DAB2IP: variants seen among roughly 807,000 people sequenced by gnomAD.
DAB2IP encodes the protein DAB2 interacting protein.
In DAB2IP, 28 loss-of-function variants were observed where a neutral mutation model predicts 107.2. That is an observed-to-expected ratio of 0.26 (90% CI 0.19 to 0.36). The LOEUF is 0.36. DAB2IP is among the 10% of genes least tolerant of loss of function. The pLI is 1.00. For missense variants in DAB2IP, 1,400 were observed against 1,644.7 expected (o/e 0.85, Z 2.57); for synonymous variants, 755 against 706.4 (o/e 1.07, Z -1.09).
At chr9:121,570,238 G>A (rs1235788439) in intron 1 of DAB2IP, among the ~76,000 whole-genome samples, 3 of 148,410 alleles carry the variant, frequency 2.0e-5, no homozygotes, top group Non-Finnish European at 3.0e-5. Context: ...TCAGCCTCCC[G>A]AGTAGCTGGG....
At chr9:121,740,900 C>T (rs984541922) in intron 3 of DAB2IP, among the ~76,000 whole-genome samples, 2 of 152,120 alleles carry the variant, frequency 1.3e-5, no homozygotes, top group Admixed American at 6.5e-5. Context: ...AAGGATTTGT[C>T]CAGGGTTCCA....
At chr9:121,651,313 A>G (rs1832727986), upstream of DAB2IP, among the ~76,000 whole-genome samples, 1 of 152,156 alleles carries the variant, frequency 6.6e-6, no homozygotes, top group African/African-American at 2.4e-5. The surrounding 1 kb of genome is among the most constrained non-coding windows in gnomAD (Gnocchi z 5.1). Context: ...GTCCCCAAGC[A>G]TGCGTCCTAC....
intron 3 of DAB2IP, among the ~76,000 whole-genome samples, chr9:121,754,767 A>G (rs1833360003): frequency 6.6e-6 from 1 of 152,132 alleles, no homozygotes. Flanking sequence ...TTGCAGGACC[A>G]GGGTCTCCTT....
intron 3 of DAB2IP, among the ~76,000 whole-genome samples, chr9:121,721,932 A>G (rs909694113): frequency 6.6e-6 from 1 of 152,316 alleles, no homozygotes; most frequent in African/African-American, 2.4e-5. Context: ...CCGCCCAGTC[A>G]TGGAATCCTT....
chr9:121,728,708 G>A (rs1831364463), intron 3 of DAB2IP, among the ~76,000 whole-genome samples: 1 of 152,154 alleles, frequency 6.6e-6, no homozygotes, highest in African/African-American at 2.4e-5. Flanking sequence ...ATGACTGCAG[G>A]TGGGCTGGGC....
At chr9:121,568,340 G>A (rs2118875509) in intron 1 of DAB2IP, among the ~76,000 whole-genome samples, 1 of 152,236 alleles carries the variant, frequency 6.6e-6, no homozygotes, top group African/African-American at 2.4e-5. Flanking sequence ...CCACAGACCT[G>A]GCATCTTTGG....
Position 121,651,669 on chromosome 9 carries a change from C to A in DAB2IP, c.-107C>A. On this transcript the variant is annotated 5_prime_UTR_variant, in exon 1 of 16. Transcript: ENST00000408936. The surrounding 1 kb of genome is among the most constrained non-coding windows in gnomAD (Gnocchi z 5.1). Reference sequence around the variant, plus strand: ...GGCAGCCAGGGCCTCGGCGGCCGCTCGGGCGAGCGCGGGAGAACGCGTGGG... The same window carrying A: ...GGCAGCCAGGGCCTCGGCGGCCGCTAGGGCGAGCGCGGGAGAACGCGTGGG... 1 of 1,096,996 alleles carries A rather than the reference C, an allele frequency of 9.1e-7. No individual in the cohort carries two copies. Among genetic ancestry groups the A allele is most frequent in the South Asian group, 4.4e-5 (1 of 22,492 alleles). 68.0% of individuals were successfully genotyped at this position (1,096,996 alleles called of 1,614,324 possible).
chr9:121,741,405 A>G (rs1386643283), intron 3 of DAB2IP, among the ~76,000 whole-genome samples: 2 of 152,150 alleles, frequency 1.3e-5, no homozygotes, highest in African/African-American at 4.8e-5. Context: ...CGGAGAGGCA[A>G]AGCCACTTAT....
intron 10 of DAB2IP, among the ~76,000 whole-genome samples, chr9:121,769,847 G>GTGAT (rs1306595231): frequency 1.3e-5 from 2 of 152,216 alleles, no homozygotes; most frequent in East Asian, 1.9e-4. Context: ...TGTCACATCG[G>GTGAT]TGATAGGGTG....
At chr9:121,660,554 G>A (rs1833156420) in intron 1 of DAB2IP, among the ~76,000 whole-genome samples, 1 of 152,130 alleles carries the variant, frequency 6.6e-6, no homozygotes, top group Non-Finnish European at 1.5e-5. Context: ...AGAGGAGCTG[G>A]GAAGTTTGGA....
chr9:121,670,754 C>T (rs555879843), intron 1 of DAB2IP, among the ~76,000 whole-genome samples: 87 of 152,316 alleles, frequency 5.7e-4, no homozygotes, highest in African/African-American at 1.9e-3. Flanking sequence ...CAGTGGGTCA[C>T]GGCTGTGATC....
intron 3 of DAB2IP, among the ~76,000 whole-genome samples, chr9:121,738,961 T>C (rs886918351): frequency 1.3e-5 from 2 of 152,212 alleles, no homozygotes; most frequent in African/African-American, 4.8e-5. Context: ...TTGGGAAACA[T>C]AGTGAAGTTC....
At chr9:121,737,930 G>C (rs941107336) in intron 3 of DAB2IP, among the ~76,000 whole-genome samples, 4 of 152,240 alleles carry the variant, frequency 2.6e-5, no homozygotes, top group African/African-American at 9.6e-5. Context: ...GGGACTGAAT[G>C]GGGGACTCCC....
In DAB2IP at chr9:121,776,203, G is replaced by A. The variant is rs1253797496; in HGVS notation, c.3126G>A (p.Leu1042=). 1 of 1,573,186 alleles carries A rather than the reference G, an allele frequency of 6.4e-7. No individual in the cohort carries two copies. Reference sequence around the variant, plus strand: ...GGACGCTGCCCTCCTGGTAGGACCTGGCGGTGCTGCAGGACAAGCTGCGAA... The same window carrying A: ...GGACGCTGCCCTCCTGGTAGGACCTAGCGGTGCTGCAGGACAAGCTGCGAA... The change falls in exon 14 of 16, where the codon CTG becomes CTA. Residue 1042 remains leucine (L), a synonymous_variant. Transcript: ENST00000408936. This position sits in a 1 kb window ranked among gnomAD's most constrained non-coding sequence, Gnocchi z 5.4.
intron 2 of DAB2IP, among the ~76,000 whole-genome samples, chr9:121,693,188 G>A (rs1031528448): frequency 1.3e-5 from 2 of 152,172 alleles, no homozygotes; most frequent in Non-Finnish European, 1.5e-5. Flanking sequence ...TAATGGCTCC[G>A]CCTGGTGACG....
intron 2 of DAB2IP, among the ~76,000 whole-genome samples, chr9:121,681,521 G>C (rs1343673014): frequency 1.3e-5 from 2 of 152,120 alleles, no homozygotes; most frequent in Non-Finnish European, 2.9e-5. Flanking sequence ...CTGCAGGATG[G>C]AGAGCGTGTT....
At chr9:121,658,445 A>C (rs565027201) in intron 1 of DAB2IP, among the ~76,000 whole-genome samples, 1 of 152,234 alleles carries the variant, frequency 6.6e-6, no homozygotes, top group Non-Finnish European at 1.5e-5. Flanking sequence ...GAGAATGAGC[A>C]GCCGAGATGC....
chr9:121,772,134 G>A lies in DAB2IP; in HGVS notation c.2079-473G>A, dbSNP rs1488097645. On this transcript the variant is annotated intron_variant, in intron 11 of 15. Transcript: ENST00000408936. This position sits in a 1 kb window ranked among gnomAD's most constrained non-coding sequence, Gnocchi z 4.7. ...GGCAGCAGGAGGCTGGGCAAGAGGA[G>A]GTTTCACCGGGCCCCCACTTCAGTT... 6.6e-6 allele frequency among the ~76,000 whole-genome samples: 1 copy of A among 152,144 alleles called. No individual in the cohort carries two copies. The highest frequency in any genetic ancestry group is 1.5e-5 in the Non-Finnish European group (1 of 68,018).
At chr9:121,648,671 A>G (rs1434566168), upstream of DAB2IP, among the ~76,000 whole-genome samples, 1 of 152,194 alleles carries the variant, frequency 6.6e-6, no homozygotes, top group Admixed American at 6.5e-5. Flanking sequence ...ATGCCTGTTC[A>G]CTGAGTGAAG....
Sources: allele counts gnomAD v4.1 joint callset (sites outside exome capture counted in the v4.1 genomes callset), GRCh38; gene constraint gnomAD v4.1.1; non-coding constraint Gnocchi (gnomAD v3.1); transcripts MANE v1.5; gene names NCBI Gene and HGNC (gene_info 2026-07-23, HGNC 2026-07-21).